The following MRPS15 variants were observed in gnomAD, a reference collection of about 807,000 sequenced individuals.
The protein encoded by MRPS15 is small ribosomal subunit protein uS15m.
A neutral mutation model predicts 30.7 loss-of-function variants in MRPS15; 25 were observed. The ratio of observed to expected loss-of-function variants is 0.81; its 90% CI spans 0.59 to 1.14. The LOEUF (loss-of-function observed/expected upper bound fraction) is 1.14, where lower values mean the gene tolerates loss of function less well. MRPS15 is among the 50% of genes most tolerant of loss of function. The pLI, the probability that MRPS15 is intolerant of heterozygous loss-of-function variation, is 0.00. For synonymous variants in MRPS15, 124 were observed against 120.1 expected (o/e 1.03, Z -0.21); for missense variants, 313 against 321.7 (o/e 0.97, Z 0.21).
At chr1:36,456,480 T>C in intron 6 of MRPS15, 102 bp from the exon 7 acceptor site, 1 of 1,122,508 alleles carries the variant, frequency 8.9e-7, no homozygotes, top group South Asian at 1.7e-5. Context: ...TTCTCAGTAA[T>C]CTTATGCAAA....
chr1:36,463,126 C>G (rs1358951412), intron 2 of MRPS15, among the ~76,000 whole-genome samples: 3 of 151,924 alleles, frequency 2.0e-5, no homozygotes, highest in African/African-American at 7.3e-5. Flanking sequence ...CCACACCTGG[C>G]TAATTTTTTT....
chr1:36,463,701 C>T (rs1372758338), intron 2 of MRPS15, 105 bp downstream of exon 2: 1 of 1,366,064 alleles, frequency 7.3e-7, no homozygotes, highest in East Asian at 2.5e-5. Flanking sequence ...GGACCTCTGG[C>T]TCACCTCATC....
intron 3 of MRPS15, 120 bp downstream of exon 3, chr1:36,461,968 C>A (rs918073993): frequency 1.7e-5 from 14 of 832,340 alleles, no homozygotes; most frequent in Non-Finnish European, 2.5e-5. Context: ...TGGGCCCCTG[C>A]CTCCTTCTAG....
At chr1:36,460,814 G>T (rs758408187) in intron 4 of MRPS15, 38 bp from the exon 5 acceptor site, 2 of 1,553,908 alleles carry the variant, frequency 1.3e-6, no homozygotes, top group South Asian at 2.2e-5. Flanking sequence ...TGTGGAGTCT[G>T]CCACCCTCTA....
At chr1:36,460,111 C>T (rs1377692402) in intron 5 of MRPS15, among the ~76,000 whole-genome samples, 4 of 152,178 alleles carry the variant, frequency 2.6e-5, no homozygotes, top group African/African-American at 4.8e-5. Context: ...CCCAGGTTCA[C>T]GCCATTCTCC....
At position 36,456,213 on chromosome 1, in the gene MRPS15, C is replaced by T. The variant is rs1197751493; in HGVS notation, c.610G>A (p.Val204Met). The T allele has an allele frequency of 5.0e-6, 8 of 1,611,720 alleles. No individual in the cohort carries two copies. Among genetic ancestry groups the T allele is most frequent in the South Asian group, 1.1e-5 (1 of 90,718 alleles). The change falls in exon 7 of 8, where the codon GTG (valine) becomes ATG (methionine). Residue 204 changes from valine (V) to methionine (M), a missense_variant. Transcript: ENST00000373116. ...CGAATGCACAGAGCCTTCTTGGTCACGAATCGGCGGTGGGCTCTTCGGTAA... is the reference window on the plus strand; with the variant it reads ...CGAATGCACAGAGCCTTCTTGGTCATGAATCGGCGGTGGGCTCTTCGGTAA... ...LYYRRAHRRF[V>M]TKKALCIRVF...
chr1:36,456,025 C>T, intron 7 of MRPS15, 100 bp from the exon 8 acceptor site: 1 of 1,519,078 alleles, frequency 6.6e-7, no homozygotes, highest in South Asian at 1.3e-5. Flanking sequence ...ATGGTAACCC[C>T]AGCCTTTCTC....
intron 4 of MRPS15, 118 bp downstream of exon 4, chr1:36,461,146 T>A (rs1570570177): frequency 1.0e-6 from 1 of 974,012 alleles, no homozygotes; most frequent in East Asian, 2.4e-5. Flanking sequence ...GGAGGCAGAA[T>A]GACAGTGGGC....
At chr1:36,460,346 C>T (rs181292383) in intron 5 of MRPS15, among the ~76,000 whole-genome samples, 1 of 152,192 alleles carries the variant, frequency 6.6e-6, no homozygotes, top group Non-Finnish European at 1.5e-5. Context: ...GCTTTAGTTT[C>T]CAAGGTGTGT....
At chr1:36,463,747 C>A in intron 2 of MRPS15, 59 bp downstream of exon 2, 1 of 1,572,266 alleles carries the variant, frequency 6.4e-7, no homozygotes. Context: ...TCCCCTTACC[C>A]ACCCCAGCCT....
In MRPS15 at chr1:36,458,238, CT is replaced by C. The variant is rs1557580296; in HGVS notation, c.386-258del. ...TCCAAAAATCATAGCAAATAGCATT[CT>C]TTTTTTTGAGACGGAGTCTCGCTCT... On this transcript the variant is annotated intron_variant, in intron 5 of 7. Transcript: ENST00000373116. The surrounding 1 kb of genome is among the most constrained non-coding windows in gnomAD (Gnocchi z 4.5). 1.4e-4 allele frequency: 60 copies of C among 415,004 alleles called. No homozygotes were observed. Among genetic ancestry groups the C allele is most frequent in the South Asian group, 1.9e-4 (5 of 26,414 alleles). 25.7% of individuals were successfully genotyped at this position (415,004 alleles called of 1,614,324 possible).
In MRPS15 at chr1:36,458,043, GT is replaced by G; in HGVS notation, c.386-63del. 1 of 1,450,194 alleles carries G rather than the reference GT, an allele frequency of 6.9e-7. No homozygotes were observed. The highest frequency in any genetic ancestry group is 9.7e-7 in the Non-Finnish European group (1 of 1,030,570). The allele number at this position is 1,450,194 out of a possible 1,614,324, so 89.8% of individuals were successfully genotyped here. ...CAGAGGAAGGAAGGGCCCAGGCCTGGTTTACGTTTTAAGAACTCAAGGAATA... is the reference window on the plus strand; with the variant it reads ...CAGAGGAAGGAAGGGCCCAGGCCTGGTTACGTTTTAAGAACTCAAGGAATA... On this transcript the variant is annotated intron_variant, in intron 5 of 7. Coordinates refer to ENST00000373116, the MANE Select transcript of MRPS15 (RefSeq NM_031280.4). This position sits in a 1 kb window ranked among gnomAD's most constrained non-coding sequence, Gnocchi z 4.5.
Position 36,463,843 on chromosome 1 carries a change from G to A in MRPS15, c.138C>T (p.Leu46=), listed in dbSNP as rs1353339797. 6.8e-6 allele frequency: 11 copies of A among 1,612,744 alleles called. No homozygotes were observed. Among genetic ancestry groups the A allele is most frequent in the Non-Finnish European group, 9.3e-6 (11 of 1,179,216 alleles). ...CGACATATCCGCGCGCGGCCTGGAG[G>A]AGGAGACCTACGCAGAAAAGAGAGG... ...NQWGLQPRSL[L]LQAARGYVVR... is the part of the protein sequence containing the mutation. The change falls in exon 2 of 8, where the codon CTC becomes CTT. Residue 46 remains leucine (L), a synonymous_variant. Coordinates refer to ENST00000373116, the MANE Select transcript of MRPS15 (RefSeq NM_031280.4).
chr1:36,463,374 A>T (rs1329932767), intron 2 of MRPS15, among the ~76,000 whole-genome samples: 1 of 152,256 alleles, frequency 6.6e-6, no homozygotes, highest in African/African-American at 2.4e-5. Context: ...GCAAATGGAT[A>T]CTTTCACACT....
Position 36,461,252 on chromosome 1 carries a change from G to A in MRPS15, c.300+12C>T, listed in dbSNP as rs2275476. The A allele has an allele frequency of 0.014, 22,992 of 1,614,122 alleles. 2,051 individuals carry two copies. In the East Asian group the frequency reaches 0.26, roughly 18 times the overall value. On this transcript the variant is annotated intron_variant, in intron 4 of 7. Transcript: ENST00000373116. ...GACTGCGGGAGGCTGAGGCTTGGCA[G>A]AGGCTGCTCACCTTGTTGGCCATTT...
intron 6 of MRPS15, among the ~76,000 whole-genome samples, chr1:36,457,562 C>T (rs1650016057): frequency 1.3e-5 from 2 of 152,160 alleles, no homozygotes; most frequent in African/African-American, 4.8e-5. Flanking sequence ...GTATGATCTC[C>T]ATCTTATTGA....
At chr1:36,464,009 T>G in intron 1 of MRPS15, 137 bp downstream of exon 1, 1 of 1,507,506 alleles carries the variant, frequency 6.6e-7, no homozygotes, top group Admixed American at 2.0e-5. Context: ...ACATCTTGTT[T>G]CACCTCTTGC....
chr1:36,463,945 T>A, intron 1 of MRPS15, 95 bp from the exon 2 acceptor site: 1 of 1,530,500 alleles, frequency 6.5e-7, no homozygotes, highest in Non-Finnish European at 8.9e-7. Flanking sequence ...CGCCACGGTC[T>A]ATGCGCTTCT....
chr1:36,462,278 A>C, intron 2 of MRPS15, 115 bp from the exon 3 acceptor site: 3 of 715,246 alleles, frequency 4.2e-6, no homozygotes, highest in East Asian at 2.7e-5. Context: ...TCAGGGTCTC[A>C]AGCAAAGCAC....
Sources: allele counts gnomAD v4.1 joint callset (sites outside exome capture counted in the v4.1 genomes callset), GRCh38; gene constraint gnomAD v4.1.1; non-coding constraint Gnocchi (gnomAD v3.1); transcripts MANE v1.5; gene names NCBI Gene and HGNC (gene_info 2026-07-23, HGNC 2026-07-21).